Variants in UBXN11 observed in about 807,000 individuals in gnomAD.
UBXN11 encodes UBX domain-containing protein 11.
UBXN11 carries 47 observed loss-of-function variants against 62.8 expected under a neutral mutation model. The observed-to-expected ratio is 0.75, with a 90% CI of 0.59 to 0.95. UBXN11 has a LOEUF of 0.95. UBXN11 is among the 40% of genes least tolerant of loss of function. UBXN11 has a pLI of 0.00. For missense variants in UBXN11, 638 were observed against 661.7 expected (o/e 0.96, Z 0.39); for synonymous variants, 294 against 267.0 (o/e 1.10, Z -0.99).
At chr1:26,301,375 G>A (rs529707776) in intron 3 of UBXN11, among the ~76,000 whole-genome samples, 1 of 152,160 alleles carries the variant, frequency 6.6e-6, no homozygotes, top group East Asian at 1.9e-4. Flanking sequence ...GGGGGGCTGG[G>A]ATCCAAACCC....
In UBXN11 at chr1:26,282,525, G is replaced by A. The variant is rs2073022632; in HGVS notation, c.1337C>T (p.Pro446Leu). 1 of 1,596,958 alleles carries A rather than the reference G, an allele frequency of 6.3e-7. No homozygotes were observed. The highest frequency in any genetic ancestry group is 8.6e-7 in the Non-Finnish European group (1 of 1,168,418). The change falls in exon 15 of 15, where the codon CCC becomes CTC. Residue 446 changes from proline (P) to leucine (L), a missense_variant. By Grantham distance (98) the Pro-to-Leu change is moderately conservative. Transcript: ENST00000374222. ...SAFEIFSTFP[P>L]TLYQDDTLTL... Reference sequence around the variant, plus strand: ...GAGTGTATCGTCCTGGTAGAGGGTGGGCGGGAATGTGCTGAAGATCTCAAA... The same window carrying A: ...GAGTGTATCGTCCTGGTAGAGGGTGAGCGGGAATGTGCTGAAGATCTCAAA...
rs746234803 is a variant in UBXN11 at position 26,285,896 on chromosome 1, G to A, written c.701C>T (p.Pro234Leu). 12 of 1,613,492 alleles carry A rather than the reference G, an allele frequency of 7.4e-6. No homozygotes were observed. In the Middle Eastern group the frequency reaches 5.0e-4, roughly 67 times the overall value. ...GATGCCATTCCGGTAGAGCTTCAGCGGGATGGGCTCGAGGGTACGCAGCCG... is the reference window on the plus strand; with the variant it reads ...GATGCCATTCCGGTAGAGCTTCAGCAGGATGGGCTCGAGGGTACGCAGCCG... ...GARLRTLEPI[P>L]LKLYRNGIMM... The change falls in exon 9 of 15, where the codon CCG becomes CTG. Residue 234 changes from proline to leucine, a missense_variant. Pro to Leu is a moderately conservative substitution (Grantham distance 98). Coordinates refer to ENST00000374222, the MANE Select transcript of UBXN11 (RefSeq NM_001389556.1).
At chr1:26,291,066 C>T (rs1000423029) in intron 8 of UBXN11, among the ~76,000 whole-genome samples, 1 of 152,102 alleles carries the variant, frequency 6.6e-6, no homozygotes, top group African/African-American at 2.4e-5. Context: ...GGCCCTCCTC[C>T]CTAGGAGTCC....
In UBXN11 at chr1:26,297,965, G is replaced by C; in HGVS notation, c.297C>G (p.Ser99=). The C allele has an allele frequency of 6.2e-7, 1 of 1,613,584 alleles. No homozygotes were observed. Among genetic ancestry groups the C allele is most frequent in the Admixed American group, 1.7e-5 (1 of 59,970 alleles). ...QVKAQTDEIL[S]KDQKIAALED... ...CCTCTCCCACCTGGAGCCCCACCTT[G>C]GACAGTATCTCATCAGTCTGGGCCT... The change falls in exon 5 of 15, where the codon TCC becomes TCG. Residue 99 remains serine, a synonymous_variant. Transcript: ENST00000374222.
In UBXN11 at chr1:26,295,493, C is replaced by T. The variant is rs373076267; in HGVS notation, c.433-1162G>A. 7.2e-5 allele frequency among the ~76,000 whole-genome samples: 11 copies of T among 152,264 alleles called. No individual in the cohort carries two copies. The East Asian group carries it at 1.4e-3, about 19-fold the overall frequency. On this transcript the variant is annotated intron_variant, in intron 7 of 14. Transcript: ENST00000374222. ...TCGGGACAGGATCCAGCCAGAACCA[C>T]GGGCGGCTCCAATGTGATAAGGCCC...
intron 5 of UBXN11, 66 bp downstream of exon 5, chr1:26,297,896 G>A: frequency 6.5e-7 from 1 of 1,546,196 alleles, no homozygotes; most frequent in East Asian, 2.3e-5. Context: ...CCAACTCCTG[G>A]CCTCCCCAGC....
rs780995874 is a variant in UBXN11, at chr1:26,302,884, A to C, written c.-1T>G. ...TAAGGGAGGCCAAAGGTGAGCTCATAGTTCTACTTCTAGAATCCAGCTGTC... is the reference window on the plus strand; with the variant it reads ...TAAGGGAGGCCAAAGGTGAGCTCATCGTTCTACTTCTAGAATCCAGCTGTC... On this transcript the variant is annotated 5_prime_UTR_variant, in exon 2 of 15. Coordinates refer to ENST00000374222, the MANE Select transcript of UBXN11 (RefSeq NM_001389556.1). 6.2e-7 allele frequency: 1 copy of C among 1,613,740 alleles called. No individual in the cohort carries two copies. Among genetic ancestry groups the C allele is most frequent in the Non-Finnish European group, 8.5e-7 (1 of 1,179,802 alleles).
At position 26,300,926 on chromosome 1, in the gene UBXN11, C is replaced by G; in HGVS notation, c.199G>C (p.Val67Leu). 2 of 1,614,234 alleles carry G rather than the reference C, an allele frequency of 1.2e-6. No homozygotes were observed. Among genetic ancestry groups the G allele is most frequent in the Middle Eastern group, 1.6e-4 (1 of 6,062 alleles). ...GGIGAPVSRQ[V>L]PASHDSELMA... ...AGACCCTTCAGGCCTCTGCTCTCAC[C>G]TTGCCGACTCACAGGGGCACCTATG... The change falls in exon 4 of 15, where the codon GTC becomes CTC. Residue 67 changes from valine to leucine, a missense_variant and splice_region_variant. By Grantham distance (32) the Val-to-Leu change is conservative (BLOSUM62 1). Coordinates refer to ENST00000374222, the MANE Select transcript of UBXN11 (RefSeq NM_001389556.1).
At position 26,302,853 on chromosome 1, in the gene UBXN11, T is replaced by G; in HGVS notation, c.31A>C (p.Thr11Pro). The part of the protein sequence containing the change: MSSPLASLSK[T>P]RKVPLPSEPM... ...TCCGAGGGCAGGGGCACTTTTCGGGTCTTGCTAAGGGAGGCCAAAGGTGAG... is the reference window on the plus strand; with the variant it reads ...TCCGAGGGCAGGGGCACTTTTCGGGGCTTGCTAAGGGAGGCCAAAGGTGAG... The change falls in exon 2 of 15, where the codon ACC (threonine) becomes CCC (proline). Residue 11 changes from threonine (T) to proline (P), a missense_variant. Thr to Pro is a conservative substitution (Grantham distance 38, BLOSUM62 -1). Transcript: ENST00000374222. 6.2e-7 allele frequency: 1 copy of G among 1,613,786 alleles called. No individual in the cohort carries two copies.
rs1044809657 is a variant in UBXN11, at chr1:26,284,499, G to C, written c.853-17C>G. On this transcript the variant is annotated splice_polypyrimidine_tract_variant and intron_variant, in intron 10 of 14. Transcript: ENST00000374222. ...GTCACTCACCTGGCAAGAAAGAAGG[G>C]CAACGACGGCAGCGGACCCAGCTCT... 3.2e-6 allele frequency: 5 copies of C among 1,576,368 alleles called. No homozygotes were observed. The highest frequency in any genetic ancestry group is 4.3e-6 in the Non-Finnish European group (5 of 1,156,346).
chr1:26,313,741 G>T (rs2073765202), intron 1 of UBXN11, among the ~76,000 whole-genome samples: 1 of 148,582 alleles, frequency 6.7e-6, no homozygotes, highest in South Asian at 2.1e-4. Context: ...ATATTTCTCA[G>T]TTCTAGAATT....
intron 6 of UBXN11, 36 bp from the exon 7 acceptor site, chr1:26,297,031 C>T (rs925129267): frequency 2.3e-5 from 36 of 1,573,258 alleles, no homozygotes; most frequent in Non-Finnish European, 3.0e-5. Flanking sequence ...TCAGCTGCCC[C>T]AGCAAGACAC....
At chr1:26,313,568 T>G (rs1377963276) in intron 1 of UBXN11, among the ~76,000 whole-genome samples, 1 of 152,192 alleles carries the variant, frequency 6.6e-6, no homozygotes, top group African/African-American at 2.4e-5. Context: ...ACTGTTGTAT[T>G]CCCAGTGCCT....
chr1:26,306,923 C>G (rs1309882187), upstream of UBXN11: 1 of 149,888 alleles, frequency 6.7e-6, no homozygotes, highest in Non-Finnish European at 1.5e-5. Context: ...ACATTCAGGA[C>G]CTGAATGTGT....
chr1:26,287,160 G>A (rs531044119), intron 8 of UBXN11, among the ~76,000 whole-genome samples: 72 of 152,288 alleles, frequency 4.7e-4, no homozygotes, highest in Non-Finnish European at 9.8e-4. Flanking sequence ...TCAGGAGAGG[G>A]AGGTCAGAAG....
chr1:26,291,305 C>G (rs1308167258), intron 8 of UBXN11, among the ~76,000 whole-genome samples: 1 of 152,154 alleles, frequency 6.6e-6, no homozygotes, highest in Non-Finnish European at 1.5e-5. Context: ...AGAGATGTCC[C>G]AGGAACAGAA....
chr1:26,297,286 G>T, intron 6 of UBXN11, 141 bp downstream of exon 6: 1 of 1,031,964 alleles, frequency 9.7e-7, no homozygotes, highest in Non-Finnish European at 1.4e-6. Flanking sequence ...CAGCCCCTCT[G>T]TGGGCTCAGC....
chr1:26,307,535 G>C (rs544693158), upstream of UBXN11, among the ~76,000 whole-genome samples: 1 of 150,966 alleles, frequency 6.6e-6, no homozygotes, highest in Admixed American at 6.6e-5. Context: ...TGGTCTGGGA[G>C]TTTATGATTT....
At chr1:26,293,679 C>T (rs1293679542) in intron 8 of UBXN11, among the ~76,000 whole-genome samples, 1 of 132,834 alleles carries the variant, frequency 7.5e-6, no homozygotes, top group Admixed American at 8.8e-5. Flanking sequence ...TGAGCCAAAT[C>T]GTGCCACTGC....
Sources: allele counts gnomAD v4.1 joint callset (sites outside exome capture counted in the v4.1 genomes callset), GRCh38; gene constraint gnomAD v4.1.1; transcripts MANE v1.5; gene names NCBI Gene and HGNC (gene_info 2026-07-23, HGNC 2026-07-21).